Variants in DENND5B observed in about 807,000 individuals in gnomAD.
DENND5B encodes DENN domain-containing protein 5B.
DENND5B carries 34 observed loss-of-function variants against 140.6 expected under a neutral mutation model. The ratio of observed to expected loss-of-function variants is 0.24; its 90% CI spans 0.18 to 0.32. DENND5B has a LOEUF of 0.32. DENND5B is among the 10% of genes least tolerant of loss of function. DENND5B has a pLI of 1.00. For synonymous variants in DENND5B, 551 were observed against 562.1 expected (o/e 0.98, Z 0.28); for missense variants, 1,142 against 1,560.2 (o/e 0.73, Z 4.52).
chr12:31,422,942 CT>C lies in DENND5B; in HGVS notation c.2470+654del, dbSNP rs369745344. Among the ~76,000 whole-genome samples, 294 of 139,790 alleles carry C rather than the reference CT, an allele frequency of 2.1e-3. 1 individual carries two copies. Among genetic ancestry groups the C allele is most frequent in the African/African-American group, 1.8e-3 (68 of 38,432 alleles). 91.7% of individuals were successfully genotyped at this position (139,790 alleles called of 152,430 possible). On this transcript the variant is annotated intron_variant, in intron 11 of 20. Coordinates refer to ENST00000389082, the MANE Select transcript of DENND5B (RefSeq NM_144973.4). ...AGATCATTAATGATGGTTATAAAAACTTTTTTTTTTTTTTTTGAGATGGAGT... is the reference window on the plus strand; with the variant it reads ...AGATCATTAATGATGGTTATAAAAACTTTTTTTTTTTTTTTGAGATGGAGT...
intron 1 of DENND5B, among the ~76,000 whole-genome samples, chr12:31,567,578 C>T (rs1475052517): frequency 1.4e-5 from 2 of 145,608 alleles, no homozygotes; most frequent in Admixed American, 7.1e-5. Flanking sequence ...CTTCAAATCT[C>T]GTCCCAGTTT....
intron 1 of DENND5B, among the ~76,000 whole-genome samples, chr12:31,582,185 A>T (rs1227977818): frequency 6.6e-6 from 1 of 151,672 alleles, no homozygotes; most frequent in Non-Finnish European, 1.5e-5. Flanking sequence ...TTTAGGATTA[A>T]TTTTTTTTTA....
At chr12:31,484,800 CAAACA>C (rs56873909) in intron 2 of DENND5B, among the ~76,000 whole-genome samples, 180 of 152,014 alleles carry the variant, frequency 1.2e-3, no homozygotes, top group African/African-American at 3.5e-3. Flanking sequence ...GACTCCATCT[CAAACA>C]AAACAAAACA....
chr12:31,517,996 T>C (rs1947731019), intron 1 of DENND5B, among the ~76,000 whole-genome samples: 1 of 152,206 alleles, frequency 6.6e-6, no homozygotes, highest in Non-Finnish European at 1.5e-5. Flanking sequence ...CAGCCTTGCA[T>C]TGCTGGAATA....
rs757131835 is a variant in DENND5B, at chr12:31,402,649, A to G, written c.2804-6T>C. The G allele has an allele frequency of 3.8e-6, 6 of 1,583,380 alleles. No homozygotes were observed. The highest frequency in any genetic ancestry group is 4.3e-6 in the Non-Finnish European group (5 of 1,164,996). Reference sequence around the variant, plus strand: ...CACTGACCTATACGGAATCACTGAAAGAAAAATGCAGAAATTAATTAAAAA... The same window carrying G: ...CACTGACCTATACGGAATCACTGAAGGAAAAATGCAGAAATTAATTAAAAA... On this transcript the variant is annotated splice_polypyrimidine_tract_variant and splice_region_variant and intron_variant, in intron 14 of 20. Coordinates refer to ENST00000389082, the MANE Select transcript of DENND5B (RefSeq NM_144973.4).
At chr12:31,504,226 T>G (rs1208025832) in intron 1 of DENND5B, among the ~76,000 whole-genome samples, 3 of 152,246 alleles carry the variant, frequency 2.0e-5, no homozygotes, top group East Asian at 1.9e-4. Flanking sequence ...GAAGTGTGAC[T>G]AATTTTTTAA....
At chr12:31,427,539 G>C (rs1255736581) in intron 8 of DENND5B, among the ~76,000 whole-genome samples, 3 of 151,504 alleles carry the variant, frequency 2.0e-5, no homozygotes, top group African/African-American at 7.3e-5. Flanking sequence ...CTGGGAGGCG[G>C]AGATTGCAGT....
intron 13 of DENND5B, among the ~76,000 whole-genome samples, chr12:31,410,849 TG>T (rs1240612302): frequency 2.6e-5 from 4 of 152,136 alleles, no homozygotes; most frequent in Non-Finnish European, 4.4e-5. Context: ...TACGGTGAAA[TG>T]TTTATGGTAC....
intron 11 of DENND5B, among the ~76,000 whole-genome samples, chr12:31,416,680 A>G (rs970329934): frequency 2.6e-5 from 4 of 152,118 alleles, no homozygotes; most frequent in African/African-American, 9.7e-5. Flanking sequence ...CTGAAGTCAC[A>G]CAATTAAACT....
At chr12:31,570,767 T>C (rs1335643917) in intron 1 of DENND5B, among the ~76,000 whole-genome samples, 1 of 152,048 alleles carries the variant, frequency 6.6e-6, no homozygotes, top group African/African-American at 2.4e-5. Flanking sequence ...TCCCAATTAC[T>C]GTGTAACTGT....
intron 5 of DENND5B, among the ~76,000 whole-genome samples, chr12:31,449,287 C>T (rs1489924673): frequency 6.6e-6 from 1 of 152,208 alleles, no homozygotes; most frequent in East Asian, 1.9e-4. Context: ...TTATAGAAAT[C>T]CACTTATTCA....
chr12:31,468,319 T>C (rs183229058), intron 3 of DENND5B, among the ~76,000 whole-genome samples: 121 of 152,162 alleles, frequency 8.0e-4, no homozygotes, highest in African/African-American at 2.4e-3. Flanking sequence ...TACTAAGACT[T>C]GTGGGATGTA....
chr12:31,510,082 G>A (rs1947352090), intron 1 of DENND5B, among the ~76,000 whole-genome samples: 1 of 152,176 alleles, frequency 6.6e-6, no homozygotes, highest in Non-Finnish European at 1.5e-5. Flanking sequence ...GTCCTTGCTA[G>A]ACTTCGTGTG....
rs1275618117 is a variant in DENND5B at position 31,499,704 on chromosome 12, TG to T, written c.128-3786del. ...ATGTAACAGAAACAAAAAAGCTTTA[TG>T]AACAAATAAAAACAAACAAAAAGCA... On this transcript the variant is annotated intron_variant, in intron 1 of 20. Transcript: ENST00000389082. 5 of 1,421,538 alleles carry T rather than the reference TG, an allele frequency of 3.5e-6. No individual in the cohort carries two copies. In the African/African-American group the frequency reaches 7.3e-5, roughly 21 times the overall value. The allele number at this position is 1,421,538 out of a possible 1,614,324, so 88.1% of individuals were successfully genotyped here. A position where few individuals can be genotyped will look rare whatever the true frequency, so the allele number is the denominator to read the frequency against.
rs71460995 is a variant in DENND5B, at chr12:31,587,526, C to CTTTTTTTTTTTTTTTTT, written c.127+3163_127+3179dup. Among the ~76,000 whole-genome samples the CTTTTTTTTTTTTTTTTT allele has an allele frequency of 4.0e-5, 3 of 74,948 alleles. 1 individual carries two copies. Among genetic ancestry groups the CTTTTTTTTTTTTTTTTT allele is most frequent in the African/African-American group, 1.4e-4 (3 of 20,792 alleles). The allele number at this position is 74,948 out of a possible 152,430, so 49.2% of individuals were successfully genotyped here. A position where few individuals can be genotyped will look rare whatever the true frequency, so the allele number is the denominator to read the frequency against. ...CAACAACTTCTCTCACCACAAATACCTTTTTTTTTTTTTTTTTTTTTTTTT... is the reference window on the plus strand; with the variant it reads ...CAACAACTTCTCTCACCACAAATACCTTTTTTTTTTTTTTTTTTTTTTTTTTTTTTTTTTTTTTTTTT... On this transcript the variant is annotated intron_variant, in intron 1 of 20. Transcript: ENST00000389082.
At chr12:31,495,312 TGGGCAA>T (rs1350925284) in intron 2 of DENND5B, among the ~76,000 whole-genome samples, 1 of 152,090 alleles carries the variant, frequency 6.6e-6, no homozygotes, top group Non-Finnish European at 1.5e-5. Context: ...ATGGAAACCC[TGGGCAA>T]GTAACTTGCT....
chr12:31,540,910 G>A (rs1267010418), intron 1 of DENND5B: 4 of 422,172 alleles, frequency 9.5e-6, no homozygotes, highest in African/African-American at 2.1e-5. Context: ...CACATTTACA[G>A]TGAACTCACT....
chr12:31,488,873 G>T (rs1946409572), intron 2 of DENND5B, among the ~76,000 whole-genome samples: 1 of 152,132 alleles, frequency 6.6e-6, no homozygotes, highest in Non-Finnish European at 1.5e-5. Flanking sequence ...AAAAATTAGA[G>T]GTGTCACTGA....
chr12:31,449,526 G>A (rs1944414620), intron 5 of DENND5B, among the ~76,000 whole-genome samples: 1 of 152,092 alleles, frequency 6.6e-6, no homozygotes, highest in Non-Finnish European at 1.5e-5. Context: ...CGACTAGTAT[G>A]TCCTGCAGAT....
Sources: gnomAD v4.1 joint callset for allele counts (sites outside exome capture counted in the v4.1 genomes callset) on GRCh38, gnomAD v4.1.1 for gene constraint, MANE v1.5 for transcripts, NCBI Gene and HGNC (gene_info 2026-07-23, HGNC 2026-07-21) for gene names.